The following XKR9 variants were observed in gnomAD, a reference collection of about 807,000 sequenced individuals.
XKR9 encodes the protein XK-related protein 9.
A neutral mutation model predicts 32.0 loss-of-function variants in XKR9; 32 were observed. That is an observed-to-expected ratio of 1.00 (90% CI 0.76 to 1.34). The LOEUF (loss-of-function observed/expected upper bound fraction) is 1.34. XKR9 is among the 40% of genes most tolerant of loss of function. The pLI, the probability that XKR9 is intolerant of heterozygous loss-of-function variation, is 0.00. For synonymous variants in XKR9, 168 were observed against 143.4 expected (o/e 1.17, Z -1.22); for missense variants, 546 against 429.7 (o/e 1.27, Z -2.39).
chr8:70,689,747 T>C (rs770593713), intron 3 of XKR9, among the ~76,000 whole-genome samples: 5 of 152,012 alleles, frequency 3.3e-5, no homozygotes, highest in Non-Finnish European at 7.4e-5. Context: ...AGGACTTATT[T>C]TGGGTGAAGA....
chr8:70,954,709 G>T, the XKR9 span, among the ~76,000 whole-genome samples: 1 of 152,140 alleles, frequency 6.6e-6, no homozygotes, highest in African/African-American at 2.4e-5. Flanking sequence ...TCACATAAAG[G>T]CATTGGTCAT....
At chr8:71,019,825 A>G in the XKR9 span, among the ~76,000 whole-genome samples, 2 of 152,222 alleles carry the variant, frequency 1.3e-5, no homozygotes, top group African/African-American at 4.8e-5. Context: ...CTTTACCTCC[A>G]GGGAAGCACA....
At chr8:71,053,307 C>T in the XKR9 span, among the ~76,000 whole-genome samples, 3 of 152,286 alleles carry the variant, frequency 2.0e-5, no homozygotes, top group East Asian at 5.8e-4. Context: ...AGTAGAGATT[C>T]TAAAACCCCA....
At chr8:70,973,492 G>A in the XKR9 span, among the ~76,000 whole-genome samples, 4 of 150,368 alleles carry the variant, frequency 2.7e-5, no homozygotes, top group South Asian at 2.1e-4. Flanking sequence ...TTTTTTCTTC[G>A]GCTAGGTTTG....
chr8:70,995,345 A>G, the XKR9 span, among the ~76,000 whole-genome samples: 1 of 152,220 alleles, frequency 6.6e-6, no homozygotes, highest in Non-Finnish European at 1.5e-5. Context: ...TACAGCCATT[A>G]CTATAGTTAT....
At chr8:71,020,883 C>T in the XKR9 span, among the ~76,000 whole-genome samples, 1 of 152,244 alleles carries the variant, frequency 6.6e-6, no homozygotes, top group East Asian at 1.9e-4. Flanking sequence ...ATATTAGTAC[C>T]TGTCTTAGTC....
chr8:70,971,447 G>A, the XKR9 span, among the ~76,000 whole-genome samples: 1 of 152,034 alleles, frequency 6.6e-6, no homozygotes, highest in South Asian at 2.1e-4. Flanking sequence ...CTTTTGCTGT[G>A]CAGAAAGTTT....
intron 3 of XKR9, among the ~76,000 whole-genome samples, chr8:70,688,714 CCTT>C (rs1398356649): frequency 8.1e-6 from 1 of 123,714 alleles, no homozygotes; most frequent in South Asian, 2.3e-4. Context: ...CTGTGCCTGT[CCTT>C]TTTTTTTTTT....
the XKR9 span, among the ~76,000 whole-genome samples, chr8:71,032,118 A>T: frequency 1.4e-3 from 218 of 152,078 alleles, 1 homozygote; most frequent in African/African-American, 5.1e-3. Context: ...ATGTGGTGAA[A>T]TCCTATCTCT....
chr8:71,009,150 GA>G, the XKR9 span, among the ~76,000 whole-genome samples: 1 of 152,034 alleles, frequency 6.6e-6, no homozygotes, highest in Non-Finnish European at 1.5e-5. Flanking sequence ...GGAAGAACAA[GA>G]AAAATAAGGT....
the XKR9 span, among the ~76,000 whole-genome samples, chr8:71,065,334 T>C: frequency 6.6e-6 from 1 of 152,140 alleles, no homozygotes; most frequent in Admixed American, 6.5e-5. Flanking sequence ...AATTATTCCC[T>C]CTCTTTCTCT....
At chr8:71,050,234 GAGATATAT>G in the XKR9 span, among the ~76,000 whole-genome samples, 186 of 95,982 alleles carry the variant, frequency 1.9e-3, 1 homozygote, top group African/African-American at 6.4e-3. Context: ...ATGCCTGGCA[GAGATATAT>G]ATATATATAT....
rs1196690861 is a variant in XKR9, at chr8:70,774,040, C to G, written n.353-15299C>G. 2.6e-5 allele frequency among the ~76,000 whole-genome samples: 4 copies of G among 152,090 alleles called. 1 individual carries two copies. Among genetic ancestry groups the G allele is most frequent in the Admixed American group, 2.6e-4 (4 of 15,254 alleles). Reference sequence around the variant, plus strand: ...CCTTTAACAGAACATCCATCCCTTCCTTGAGGTCATACTTCAGAACAAAGA... The same window carrying G: ...CCTTTAACAGAACATCCATCCCTTCGTTGAGGTCATACTTCAGAACAAAGA... On this transcript the variant is annotated intron_variant and non_coding_transcript_variant, in intron 2 of 3. Transcript: ENST00000520273.
chr8:70,946,565 T>C, the XKR9 span, among the ~76,000 whole-genome samples: 2 of 152,174 alleles, frequency 1.3e-5, no homozygotes, highest in African/African-American at 2.4e-5. Flanking sequence ...GAGTAGCTTG[T>C]CTAAGACCAC....
intron 4 of XKR9, among the ~76,000 whole-genome samples, chr8:70,718,401 C>T (rs1476984543): frequency 6.6e-6 from 1 of 152,016 alleles, no homozygotes; most frequent in African/African-American, 2.4e-5. Context: ...GTTTGCTGCA[C>T]ATATTATCCC....
At chr8:70,728,307 A>G (rs1341016326) in intron 4 of XKR9, among the ~76,000 whole-genome samples, 1 of 152,130 alleles carries the variant, frequency 6.6e-6, no homozygotes, top group Non-Finnish European at 1.5e-5. Context: ...AAGGGCGAAG[A>G]CTTCTCTAAC....
the XKR9 span, among the ~76,000 whole-genome samples, chr8:70,805,779 G>C: frequency 6.6e-6 from 1 of 152,206 alleles, no homozygotes; most frequent in Non-Finnish European, 1.5e-5. Context: ...CTAGGGGAAG[G>C]AGTACCTGCA....
At chr8:70,767,988 C>A (rs1283213327) in intron 2 of XKR9, among the ~76,000 whole-genome samples, 1 of 152,044 alleles carries the variant, frequency 6.6e-6, no homozygotes, top group Non-Finnish European at 1.5e-5. Flanking sequence ...TTTGCTCTTG[C>A]TTCTGTAGTT....
At chr8:70,767,279 T>C (rs1473790671) in intron 2 of XKR9, among the ~76,000 whole-genome samples, 1 of 152,202 alleles carries the variant, frequency 6.6e-6, no homozygotes, top group East Asian at 1.9e-4. Context: ...ATTTCAGAAC[T>C]TGTTATTGGT....
Sources: gnomAD v4.1 joint callset for allele counts (sites outside exome capture counted in the v4.1 genomes callset) on GRCh38, gnomAD v4.1.1 for gene constraint, MANE v1.5 for transcripts, NCBI Gene and HGNC (gene_info 2026-07-23, HGNC 2026-07-21) for gene names.